Variants in BRI3 observed in about 807,000 individuals in gnomAD.
The protein encoded by BRI3 is membrane protein BRI3.
A neutral mutation model predicts 12.8 loss-of-function variants in BRI3; 6 were observed. The observed-to-expected ratio is 0.47, with a 90% confidence interval of 0.26 to 0.93. The LOEUF is 0.93. Among genes scored for constraint, BRI3 ranks in the 40% least tolerant of loss-of-function variants. The pLI is 0.15. For missense variants in BRI3, 134 were observed against 171.1 expected, an observed-to-expected ratio of 0.78 and a Z score of 1.21; for synonymous variants, 91 against 76.1, an observed-to-expected ratio of 1.20 and a Z score of -1.02.
chr7:98,310,661 C>CT, downstream of BRI3: 1 of 1,252,830 alleles, frequency 8.0e-7, no homozygotes, highest in South Asian at 1.8e-5. Context: ...ATTCCCAAGG[C>CT]TGTTTTTTTT....
At position 98,291,327 on chromosome 7, in the gene BRI3, C is replaced by T. The variant is rs1562959589; in HGVS notation, c.*84C>T. ...TGTACAATAATTTTATTTGATTAAG[C>T]TTCAGGACTGTTTTGTAAAGCGAGG... On this transcript the variant is annotated 3_prime_UTR_variant, in exon 3 of 3. Coordinates refer to ENST00000297290, the MANE Select transcript of BRI3 (RefSeq NM_015379.5). The T allele has an allele frequency of 2.5e-6, 4 of 1,574,500 alleles. No homozygotes were observed. Among genetic ancestry groups the T allele is most frequent in the Non-Finnish European group, 3.5e-6 (4 of 1,158,752 alleles).
downstream of BRI3, chr7:98,293,054 A>G (rs1326714057): frequency 1.2e-6 from 1 of 857,970 alleles, no homozygotes; most frequent in Non-Finnish European, 1.4e-6. Context: ...ATATTGCTTA[A>G]AATTATGATT....
At chr7:98,285,031 G>GC (rs1245245835) in intron 2 of BRI3, among the ~76,000 whole-genome samples, 1 of 152,164 alleles carries the variant, frequency 6.6e-6, no homozygotes, top group East Asian at 1.9e-4. Flanking sequence ...CGTCCTGCAA[G>GC]CGGGGAAGGC....
chr7:98,308,210 CTCT>C (rs1227555876), exon 2 of BRI3: 1 of 538,512 alleles, frequency 1.9e-6, no homozygotes, highest in Non-Finnish European at 3.6e-6. Flanking sequence ...GCCAGGATGG[CTCT>C]TCTTAGAGAG....
At chr7:98,312,050 G>T, downstream of BRI3, 1 of 1,542,578 alleles carries the variant, frequency 6.5e-7, no homozygotes, top group Non-Finnish European at 8.7e-7. Flanking sequence ...CCCAGATCAA[G>T]TTAGGAAACA....
intron 1 of BRI3, 40 bp from the exon 2 acceptor site, chr7:98,282,311 C>T (rs1168363735): frequency 5.9e-6 from 9 of 1,534,836 alleles, no homozygotes; most frequent in South Asian, 1.1e-5. Context: ...GGTCCGATTT[C>T]TCCTCCCTGC....
At chr7:98,297,826 G>A (rs555431262), downstream of BRI3, among the ~76,000 whole-genome samples, 2 of 152,330 alleles carry the variant, frequency 1.3e-5, no homozygotes, top group South Asian at 2.1e-4. Context: ...ACGTGAGGGC[G>A]CGCTGTGAAA....
downstream of BRI3, chr7:98,312,149 G>T: frequency 3.7e-6 from 6 of 1,613,992 alleles, no homozygotes; most frequent in Non-Finnish European, 5.1e-6. Context: ...AGACACGGGG[G>T]TAGAGGCTGG....
upstream of BRI3, among the ~76,000 whole-genome samples, chr7:98,302,302 T>A (rs930584274): frequency 6.6e-6 from 1 of 152,204 alleles, no homozygotes; most frequent in African/African-American, 2.4e-5. Context: ...CTGAAGACTA[T>A]CCAGGGTTGG....
downstream of BRI3, among the ~76,000 whole-genome samples, chr7:98,297,199 C>T (rs956347042): frequency 7.2e-5 from 11 of 152,230 alleles, no homozygotes; most frequent in African/African-American, 1.2e-4. Flanking sequence ...CCCCATCTCC[C>T]GCAAGAATCC....
downstream of BRI3, chr7:98,293,214 T>A (rs1800043824): frequency 6.4e-6 from 2 of 314,800 alleles, no homozygotes; most frequent in Admixed American, 9.4e-5. Flanking sequence ...TGGCTGTTAT[T>A]AAGGAAAAAA....
exon 2 of BRI3, chr7:98,308,300 T>C: frequency 2.2e-6 from 1 of 463,104 alleles, no homozygotes; most frequent in African/African-American, 2.0e-5. Context: ...CAAACCCAAC[T>C]GCCAATGTCC....
chr7:98,292,340 GCCT>G, downstream of BRI3: 1 of 366,282 alleles, frequency 2.7e-6, no homozygotes, highest in South Asian at 3.2e-5. Context: ...TCCTGCCTCA[GCCT>G]CCTGAGTGGC....
At chr7:98,315,329 T>C (rs1325344250), downstream of BRI3, 3 of 799,708 alleles carry the variant, frequency 3.8e-6, no homozygotes, top group African/African-American at 1.8e-5. Flanking sequence ...AGTTTTGCCA[T>C]GTTGCCCAGG....
chr7:98,304,207 T>TCTCGGGCTTGGA, upstream of BRI3: 1 of 1,598,922 alleles, frequency 6.3e-7, no homozygotes. Flanking sequence ...GGAGCCGCGG[T>TCTCGGGCTTGGA]CTCGGGCTTG....
the BRI3 span, among the ~76,000 whole-genome samples, chr7:98,316,047 G>T: frequency 2.0e-5 from 3 of 152,178 alleles, no homozygotes; most frequent in Non-Finnish European, 4.4e-5. Context: ...TTTGGGGAGG[G>T]ACCTGGTGGG....
At chr7:98,319,982 C>G in the BRI3 span, 1 of 1,181,072 alleles carries the variant, frequency 8.5e-7, no homozygotes, top group East Asian at 2.3e-5. Context: ...GATGAGTCAA[C>G]AGTGGGAACG....
At chr7:98,303,404 C>G (rs1800506336), upstream of BRI3, among the ~76,000 whole-genome samples, 1 of 152,232 alleles carries the variant, frequency 6.6e-6, no homozygotes. Context: ...GGTCTCACAC[C>G]AGGGCGCACT....
chr7:98,301,475 G>GTATATATA (rs60741017), intron 1 of BRI3, among the ~76,000 whole-genome samples: 3,225 of 142,154 alleles, frequency 0.023, 43 homozygotes, highest in East Asian at 0.063. Flanking sequence ...TTTTTTTTTG[G>GTATATATA]TATATATATA....
Sources: gnomAD v4.1 joint callset for allele counts (sites outside exome capture counted in the v4.1 genomes callset) on GRCh38, gnomAD v4.1.1 for gene constraint, MANE v1.5 for transcripts, NCBI Gene and HGNC (gene_info 2026-07-23, HGNC 2026-07-21) for gene names.